Variants in MACROD2 observed in about 807,000 individuals in gnomAD.
The protein encoded by MACROD2 is ADP-ribose glycohydrolase MACROD2.
In MACROD2, 36 loss-of-function variants were observed where a neutral mutation model predicts 70.4. The ratio of observed to expected loss-of-function variants is 0.51; its 90% CI spans 0.39 to 0.68. MACROD2 has a LOEUF of 0.68. Among genes scored for constraint, MACROD2 ranks in the 30% least tolerant of loss-of-function variants. MACROD2 has a pLI of 0.00. For missense variants in MACROD2, 496 were observed against 538.4 expected, an observed-to-expected ratio of 0.92 and a Z score of 0.78; for synonymous variants, 172 against 178.8, an observed-to-expected ratio of 0.96 and a Z score of 0.30.
chr20:15,626,876 G>A (rs1028974242), intron 8 of MACROD2, among the ~76,000 whole-genome samples: 1 of 150,878 alleles, frequency 6.6e-6, no homozygotes. Context: ...AAAAAAAATT[G>A]CAAATGACTG....
At chr20:14,504,463 C>T (rs949528334) in intron 4 of MACROD2, among the ~76,000 whole-genome samples, 2 of 152,266 alleles carry the variant, frequency 1.3e-5, no homozygotes, top group East Asian at 1.9e-4. Context: ...TGTAAGTTCA[C>T]GAGTTCAAAT....
intron 5 of MACROD2, among the ~76,000 whole-genome samples, chr20:15,196,700 T>C (rs774115870): frequency 6.6e-6 from 1 of 152,208 alleles, no homozygotes; most frequent in African/African-American, 2.4e-5. Flanking sequence ...TTTTAAATTA[T>C]GTTTCATTGT....
rs1172208210 is a variant in MACROD2 at position 15,515,164 on chromosome 20, TATC to T, written c.645+15318_645+15320del. On this transcript the variant is annotated intron_variant, in intron 8 of 17. Transcript: ENST00000684519. ...ATAATTTACAAATGGGACCTTTTAT[TATC>T]CAGCCTGCTGCTCTTATAAGCTCCT... is the stretch of plus-strand genomic sequence containing the variant. Among the ~76,000 whole-genome samples, 6 of 152,356 alleles carry T rather than the reference TATC, an allele frequency of 3.9e-5. No individual in the cohort carries two copies. The East Asian group carries it at 1.2e-3, about 29-fold the overall frequency.
chr20:15,773,300 A>C (rs1600869799), intron 8 of MACROD2, among the ~76,000 whole-genome samples: 2 of 151,734 alleles, frequency 1.3e-5, no homozygotes, highest in East Asian at 3.9e-4. Context: ...AGGGAGTGCT[A>C]TTTTTTTTAA....
chr20:14,921,506 A>C (rs1000318160), intron 5 of MACROD2, among the ~76,000 whole-genome samples: 3 of 152,236 alleles, frequency 2.0e-5, no homozygotes, highest in Non-Finnish European at 2.9e-5. Context: ...ATATAAAAGC[A>C]TGAAACTGTT....
intron 6 of MACROD2, among the ~76,000 whole-genome samples, chr20:15,404,970 A>G (rs1266819954): frequency 6.6e-6 from 1 of 152,258 alleles, no homozygotes; most frequent in Non-Finnish European, 1.5e-5. Context: ...TGAAGTACTG[A>G]TACGTGCTAC....
At chr20:14,684,419 A>G (rs1185112048) in intron 4 of MACROD2, among the ~76,000 whole-genome samples, 1 of 152,078 alleles carries the variant, frequency 6.6e-6, no homozygotes, top group Non-Finnish European at 1.5e-5. Context: ...GTGGTGTGTT[A>G]GAGGCAACAT....
intron 9 of MACROD2, among the ~76,000 whole-genome samples, chr20:15,882,475 C>A (rs943327624): frequency 3.3e-5 from 5 of 151,992 alleles, no homozygotes; most frequent in African/African-American, 1.2e-4. Flanking sequence ...TTCTTTTCTG[C>A]AATAGATAAT....
chr20:15,027,816 C>A (rs778748285), intron 5 of MACROD2, among the ~76,000 whole-genome samples: 1 of 152,014 alleles, frequency 6.6e-6, no homozygotes, highest in Non-Finnish European at 1.5e-5. Context: ...AATACTCTAT[C>A]TAAATATCTC....
chr20:14,739,365 T>A (rs2071706087), intron 5 of MACROD2, among the ~76,000 whole-genome samples: 1 of 151,884 alleles, frequency 6.6e-6, no homozygotes, highest in South Asian at 2.1e-4. Context: ...AAGGACAGGA[T>A]AATTACATAT....
intron 5 of MACROD2, among the ~76,000 whole-genome samples, chr20:14,729,191 T>G (rs992089812): frequency 6.6e-6 from 1 of 152,160 alleles, no homozygotes; most frequent in African/African-American, 2.4e-5. Flanking sequence ...ATTCTGACTT[T>G]AACAAATTAT....
chr20:14,830,036 T>G (rs1019247603), intron 5 of MACROD2, among the ~76,000 whole-genome samples: 2 of 152,138 alleles, frequency 1.3e-5, no homozygotes, highest in African/African-American at 4.8e-5. Flanking sequence ...CTGTGGCTAT[T>G]TGGTTTCTTT....
intron 15 of MACROD2, among the ~76,000 whole-genome samples, chr20:16,005,425 T>C (rs1429949749): frequency 6.6e-6 from 1 of 152,208 alleles, no homozygotes; most frequent in Non-Finnish European, 1.5e-5. Context: ...GGCATTGATC[T>C]GAAAGCTAAA....
chr20:14,996,605 G>C (rs1443719211), intron 5 of MACROD2, among the ~76,000 whole-genome samples: 1 of 152,172 alleles, frequency 6.6e-6, no homozygotes, highest in Non-Finnish European at 1.5e-5. Context: ...ACACTGAAAA[G>C]GGTAGGAAAG....
intron 3 of MACROD2, among the ~76,000 whole-genome samples, chr20:14,171,168 AT>A (rs1297400186): frequency 1.6e-4 from 25 of 151,938 alleles, no homozygotes; most frequent in Admixed American, 1.5e-3. Flanking sequence ...CTTTTTTTGT[AT>A]TTCTGTGGTA....
chr20:14,470,912 C>T (rs756402614), intron 3 of MACROD2, among the ~76,000 whole-genome samples: 1 of 152,090 alleles, frequency 6.6e-6, no homozygotes, highest in African/African-American at 2.4e-5. Context: ...TGGCTTCAGC[C>T]CCCTTTCCAG....
At chr20:14,585,764 G>A (rs981626679) in intron 4 of MACROD2, among the ~76,000 whole-genome samples, 1 of 152,044 alleles carries the variant, frequency 6.6e-6, no homozygotes, top group African/African-American at 2.4e-5. Flanking sequence ...TTTAAACAAA[G>A]CTGTTTTTCA....
At chr20:14,990,240 G>T (rs1397140420) in intron 5 of MACROD2, among the ~76,000 whole-genome samples, 2 of 152,044 alleles carry the variant, frequency 1.3e-5, no homozygotes, top group African/African-American at 4.8e-5. Flanking sequence ...TTAATATCGG[G>T]AGATACACAA....
At chr20:14,251,927 G>GT (rs1362641337) in intron 3 of MACROD2, among the ~76,000 whole-genome samples, 1 of 151,928 alleles carries the variant, frequency 6.6e-6, no homozygotes, top group Admixed American at 6.6e-5. Context: ...ATTTGCACTA[G>GT]TTTTTTCTTG....
Sources: allele counts gnomAD v4.1 joint callset (sites outside exome capture counted in the v4.1 genomes callset), GRCh38; gene constraint gnomAD v4.1.1; transcripts MANE v1.5; gene names NCBI Gene and HGNC (gene_info 2026-07-23, HGNC 2026-07-21).